The following CILK1 variants were observed in gnomAD, a reference collection of about 807,000 sequenced individuals.
CILK1 encodes the protein serine/threonine-protein kinase ICK.
CILK1 carries 47 observed loss-of-function variants against 79.2 expected under a neutral mutation model. That is an observed-to-expected ratio of 0.59 (90% CI 0.47 to 0.76). The LOEUF is 0.76. Among genes scored for constraint, CILK1 ranks in the 30% least tolerant of loss-of-function variants. The probability of loss-of-function intolerance (pLI) is 0.00; values close to 1 mark genes in which losing one functional copy is unlikely to be tolerated. For synonymous variants in CILK1, 266 were observed against 275.9 expected (o/e 0.96, Z 0.36); for missense variants, 660 against 769.5 (o/e 0.86, Z 1.68).
chr6:53,004,150 G>A lies in CILK1; in HGVS notation c.*999C>T, dbSNP rs942013654. The A allele has an allele frequency of 2.0e-5, 3 of 152,624 alleles. No individual in the cohort carries two copies. The highest frequency in any genetic ancestry group is 7.2e-5 in the African/African-American group (3 of 41,442). The allele number at this position is 152,624 out of a possible 1,614,324, so 9.5% of individuals were successfully genotyped here. ...GCTCCCCAAATTGTCCTGAGAATTT[G>A]GCTAGGACAGAACATTAGTCATTGA... On this transcript the variant is annotated 3_prime_UTR_variant, in exon 14 of 14. Coordinates refer to ENST00000676107, the MANE Select transcript of CILK1 (RefSeq NM_014920.5).
rs1561997750 is a variant in CILK1, at chr6:53,005,149, T to A, written c.1899A>T (p.Ter633CysextTer20). 1 of 1,614,138 alleles carries A rather than the reference T, an allele frequency of 6.2e-7. No individual in the cohort carries two copies. Among genetic ancestry groups the A allele is most frequent in the Non-Finnish European group, 8.5e-7 (1 of 1,180,024 alleles). Residue 633 changes from the stop codon to cysteine (C), a stop_lost, in exon 14 of 14, where the codon TGA becomes TGT. Transcript: ENST00000676107. ...AGAGATTCATCACCAAGGCAGACAG[T>A]CATCGCCGAGATGCGTACTTGGAAG... ...DWASKYASRR[*>C] is the part of the protein sequence containing the mutation.
intron 5 of CILK1, among the ~76,000 whole-genome samples, chr6:53,028,064 G>A (rs934578803): frequency 6.7e-5 from 10 of 149,394 alleles, no homozygotes; most frequent in African/African-American, 2.2e-4. Flanking sequence ...GGAGAATGGC[G>A]TGAACCTGGG....
At position 53,018,398 on chromosome 6, in the gene CILK1, G is replaced by T; in HGVS notation, c.595C>A (p.Leu199Ile). 2 of 1,614,176 alleles carry T rather than the reference G, an allele frequency of 1.2e-6. No homozygotes were observed. The highest frequency in any genetic ancestry group is 1.7e-6 in the Non-Finnish European group (2 of 1,180,030). Residue 199 changes from leucine to isoleucine, a missense_variant, in exon 7 of 14, where the codon CTC becomes ATC. Physicochemically the swap from Leu to Ile is conservative, Grantham distance 5. Transcript: ENST00000676107. ...IMAEVYTLRP[L>I]FPGASEIDTI... ...TCAATTTCACTGGCTCCAGGGAAGA[G>T]TGGCCTGAGGGTGTAAACTTCTGCC...
chr6:53,045,252 AC>A (rs1766983690), intron 1 of CILK1, among the ~76,000 whole-genome samples: 1 of 152,188 alleles, frequency 6.6e-6, no homozygotes. Context: ...CTGTGCCTTA[AC>A]CCAAAAAGTA....
At chr6:53,027,717 G>A (rs1765662905) in intron 5 of CILK1, among the ~76,000 whole-genome samples, 1 of 152,184 alleles carries the variant, frequency 6.6e-6, no homozygotes, top group East Asian at 1.9e-4. Flanking sequence ...GTGAAAATGG[G>A]ATAGGGGCTG....
chr6:53,005,911 G>A (rs1290031006), intron 13 of CILK1, among the ~76,000 whole-genome samples: 1 of 152,092 alleles, frequency 6.6e-6, no homozygotes, highest in Non-Finnish European at 1.5e-5. Flanking sequence ...CCTTGAATTT[G>A]CCAGGCCAGT....
rs1378834987 is a variant in CILK1 at position 53,037,987 on chromosome 6, T to C, written c.108A>G (p.Lys36=). 1 of 1,595,422 alleles carries C rather than the reference T, an allele frequency of 6.3e-7. No individual in the cohort carries two copies. Among genetic ancestry groups the C allele is most frequent in the Non-Finnish European group, 8.6e-7 (1 of 1,163,064 alleles). ...SGELIAIKKM[K]RKFYSWEECM... ...ATTCCTCCCAGGAATAAAATTTTCTTTTCATTCTAGAAGAGAAGAAAGAAA... is the reference window on the plus strand; with the variant it reads ...ATTCCTCCCAGGAATAAAATTTTCTCTTCATTCTAGAAGAGAAGAAAGAAA... The change falls in exon 3 of 14, where the codon AAA becomes AAG. Residue 36 remains lysine, a synonymous_variant. Transcript: ENST00000676107.
Position 53,035,024 on chromosome 6 carries a change from G to A in CILK1, c.157-2370C>T, listed in dbSNP as rs553880221. On this transcript the variant is annotated intron_variant, in intron 3 of 13. Transcript: ENST00000676107. The stretch of plus-strand genomic sequence containing the variant: ...GTTTGGTTCTGAGGGAGACTCATCT[G>A]TAAGACTTTGGCTGGAGAAGTGGGC... 3.9e-5 allele frequency among the ~76,000 whole-genome samples: 6 copies of A among 152,314 alleles called. No individual in the cohort carries two copies. The South Asian group carries it at 1.0e-3, about 26-fold the overall frequency.
Position 53,021,140 on chromosome 6 carries a change from G to A in CILK1, c.359-1781C>T, listed in dbSNP as rs552034313. Among the ~76,000 whole-genome samples the A allele has an allele frequency of 1.2e-4, 18 of 152,286 alleles. No individual in the cohort carries two copies. In the South Asian group the frequency reaches 3.1e-3, roughly 26 times the overall value. ...AGTTCGAGACCAGCCTGGCCAATAT[G>A]GTGAAACACCATCTCTACTAAAAAT... On this transcript the variant is annotated intron_variant, in intron 5 of 13. Transcript: ENST00000676107.
At chr6:53,039,063 A>C (rs1766537029) in intron 2 of CILK1, among the ~76,000 whole-genome samples, 1 of 152,050 alleles carries the variant, frequency 6.6e-6, no homozygotes, top group Non-Finnish European at 1.5e-5. Context: ...TCTCCAGCTC[A>C]CTCTGTCCTT....
chr6:53,028,196 G>T (rs995224618), intron 5 of CILK1, among the ~76,000 whole-genome samples: 3 of 151,072 alleles, frequency 2.0e-5, no homozygotes, highest in African/African-American at 7.3e-5. Context: ...TGCACCTGTA[G>T]TCCCAGCTAC....
chr6:53,035,496 T>C (rs1581732078), intron 3 of CILK1, among the ~76,000 whole-genome samples: 2 of 152,294 alleles, frequency 1.3e-5, no homozygotes, highest in East Asian at 1.9e-4. Context: ...CATGTAAGAC[T>C]ATGCTTCTAA....
At chr6:53,059,306 T>G (rs1244206699) in intron 1 of CILK1, among the ~76,000 whole-genome samples, 7 of 152,102 alleles carry the variant, frequency 4.6e-5, no homozygotes, top group Non-Finnish European at 1.0e-4. Flanking sequence ...ATAAGTGGAG[T>G]CAGGCCCTTG....
chr6:53,044,424 T>C (rs1766922405), intron 1 of CILK1, among the ~76,000 whole-genome samples: 1 of 152,192 alleles, frequency 6.6e-6, no homozygotes, highest in Admixed American at 6.5e-5. Context: ...TTATCTGTGT[T>C]AAAGTTATTG....
intron 12 of CILK1, 127 bp downstream of exon 12, chr6:53,009,312 A>C: frequency 1.1e-6 from 1 of 898,696 alleles, no homozygotes; most frequent in East Asian, 2.4e-5. Flanking sequence ...GCTGGAAAAG[A>C]GGCCTGAGCT....
chr6:53,018,387 T>C lies in CILK1; in HGVS notation c.606A>G (p.Gly202=). 6.2e-7 allele frequency: 1 copy of C among 1,614,138 alleles called. No individual in the cohort carries two copies. The highest frequency in any genetic ancestry group is 8.5e-7 in the Non-Finnish European group (1 of 1,180,000). The change falls in exon 7 of 14, where the codon GGA becomes GGG. Residue 202 remains glycine, a synonymous_variant. Transcript: ENST00000676107. ...TGAATATTGTGTCAATTTCACTGGCTCCAGGGAAGAGTGGCCTGAGGGTGT... is the reference window on the plus strand; with the variant it reads ...TGAATATTGTGTCAATTTCACTGGCCCCAGGGAAGAGTGGCCTGAGGGTGT... ...EVYTLRPLFP[G]ASEIDTIFKI...
In CILK1 at chr6:53,012,152, T is replaced by C; in HGVS notation, c.1228A>G (p.Arg410Gly). Reference protein sequence around the residue: ...KSRRRWGLISRSTKDSDDWAD... With the variant: ...KSRRRWGLISGSTKDSDDWAD... ...CAATCATCTGAATCCTTTGTTGACCTGGAAATAAGACCCCACCTTCTCCTA... is the reference window on the plus strand; with the variant it reads ...CAATCATCTGAATCCTTTGTTGACCCGGAAATAAGACCCCACCTTCTCCTA... Residue 410 changes from arginine to glycine, a missense_variant, in exon 10 of 14, where the codon AGG becomes GGG. Physicochemically the swap from Arg to Gly is moderately radical, Grantham distance 125. Transcript: ENST00000676107. The C allele has an allele frequency of 6.2e-7, 1 of 1,614,186 alleles. No individual in the cohort carries two copies. The highest frequency in any genetic ancestry group is 8.5e-7 in the Non-Finnish European group (1 of 1,180,016).
intron 1 of CILK1, among the ~76,000 whole-genome samples, chr6:53,060,288 A>G (rs1581791351): frequency 6.6e-6 from 1 of 152,220 alleles, no homozygotes; most frequent in Admixed American, 6.5e-5. Context: ...TTAAATGCTG[A>G]GTTCCCTTGG....
chr6:53,021,770 T>G (rs1271315478), intron 5 of CILK1, among the ~76,000 whole-genome samples: 1 of 151,818 alleles, frequency 6.6e-6, no homozygotes, highest in Non-Finnish European at 1.5e-5. Flanking sequence ...TAATCATTAT[T>G]TTAGAATTGT....
Sources: allele counts gnomAD v4.1 joint callset (sites outside exome capture counted in the v4.1 genomes callset), GRCh38; gene constraint gnomAD v4.1.1; transcripts MANE v1.5; gene names NCBI Gene and HGNC (gene_info 2026-07-23, HGNC 2026-07-21).